The following CD226 variants were observed in gnomAD, a reference collection of about 807,000 sequenced individuals.
CD226 encodes CD226 molecule, also known as CD226 antigen.
In CD226, 24 loss-of-function variants were observed where a neutral mutation model predicts 34.9. That is an observed-to-expected ratio of 0.69 (90% CI 0.50 to 0.97). The LOEUF is 0.97. CD226 is among the 50% of genes least tolerant of loss of function. The pLI, the probability that CD226 is intolerant of heterozygous loss-of-function variation, is 0.00. For missense variants in CD226, 397 were observed against 412.7 expected, an observed-to-expected ratio of 0.96 and a Z score of 0.33; for synonymous variants, 148 against 147.4, an observed-to-expected ratio of 1.00 and a Z score of -0.03.
chr18:69,905,132 G>A (rs892549691), intron 2 of CD226, among the ~76,000 whole-genome samples: 11 of 152,100 alleles, frequency 7.2e-5, no homozygotes, highest in South Asian at 2.1e-4. Context: ...TAGGCAGGGC[G>A]TCTAGGGAGC....
chr18:69,890,228 T>C (rs534914742), intron 3 of CD226, among the ~76,000 whole-genome samples: 1 of 152,340 alleles, frequency 6.6e-6, no homozygotes, highest in South Asian at 2.1e-4. Flanking sequence ...TCTGAAAAGA[T>C]GCTTTGACAA....
In CD226 at chr18:69,947,430, G is replaced by C; in HGVS notation, c.-24C>G. 3 of 1,505,850 alleles carry C rather than the reference G, an allele frequency of 2.0e-6. No individual in the cohort carries two copies. The highest frequency in any genetic ancestry group is 2.7e-6 in the Non-Finnish European group (3 of 1,124,772). The allele number at this position is 1,505,850 out of a possible 1,614,324, so 93.3% of individuals were successfully genotyped here. A position where few individuals can be genotyped will look rare whatever the true frequency, so the allele number is the denominator to read the frequency against. ...ATCTCTGGAAACTGTTTGAAAGGCTGGTTCTATTAAAAAAAAAAATTGCTT... is the reference window on the plus strand; with the variant it reads ...ATCTCTGGAAACTGTTTGAAAGGCTCGTTCTATTAAAAAAAAAAATTGCTT... On this transcript the variant is annotated 5_prime_UTR_variant, in exon 1 of 6. Coordinates refer to ENST00000582621, the MANE Select transcript of CD226 (RefSeq NM_001303618.2).
chr18:69,900,452 G>A (rs879316632), intron 2 of CD226, among the ~76,000 whole-genome samples: 1 of 152,066 alleles, frequency 6.6e-6, no homozygotes, highest in Admixed American at 6.6e-5. Context: ...AATTTTTCTG[G>A]CCGGGCGCGG....
At chr18:69,877,254 T>G (rs552704239) in intron 3 of CD226, among the ~76,000 whole-genome samples, 1 of 152,154 alleles carries the variant, frequency 6.6e-6, no homozygotes, top group Non-Finnish European at 1.5e-5. Flanking sequence ...GAGCCAGTTA[T>G]AGAGCTCAAG....
chr18:69,933,158 T>G (rs932095507), intron 2 of CD226, among the ~76,000 whole-genome samples: 1 of 152,132 alleles, frequency 6.6e-6, no homozygotes, highest in African/African-American at 2.4e-5. Context: ...GTGCCTCCTA[T>G]CTTTCTGCCT....
chr18:69,881,596 A>C (rs1409555298), intron 3 of CD226, among the ~76,000 whole-genome samples: 1 of 152,274 alleles, frequency 6.6e-6, no homozygotes, highest in Admixed American at 6.5e-5. Context: ...GTTATTAATC[A>C]TGCATATTTA....
intron 2 of CD226, 199 bp from the exon 3 acceptor site, chr18:69,896,244 T>C (rs1985288938): frequency 9.6e-6 from 7 of 726,762 alleles, no homozygotes; most frequent in Non-Finnish European, 1.2e-5. Context: ...TGCAGTGGTG[T>C]GATCTCGGCT....
At chr18:69,947,222 A>G in intron 1 of CD226, 139 bp downstream of exon 1, 1 of 923,696 alleles carries the variant, frequency 1.1e-6, no homozygotes, top group Non-Finnish European at 1.7e-6. Flanking sequence ...ATAATTGGAA[A>G]ATGTAACTTT....
intron 2 of CD226, among the ~76,000 whole-genome samples, chr18:69,919,321 T>G (rs1381141583): frequency 6.6e-6 from 1 of 152,192 alleles, no homozygotes; most frequent in African/African-American, 2.4e-5. Context: ...CCAGAAACGC[T>G]GTCAGGGAGC....
chr18:69,869,074 G>T (rs114479806), intron 4 of CD226, among the ~76,000 whole-genome samples: 77 of 152,306 alleles, frequency 5.1e-4, no homozygotes, highest in African/African-American at 1.8e-3. Context: ...AATTAGTTCA[G>T]GCATTGTGGA....
At chr18:69,887,187 T>C (rs894116685) in intron 3 of CD226, among the ~76,000 whole-genome samples, 2 of 152,216 alleles carry the variant, frequency 1.3e-5, no homozygotes, top group African/African-American at 4.8e-5. Context: ...TGTGTGCATA[T>C]GGTAAGTGTG....
rs910041203 is a variant in CD226, at chr18:69,946,256, AAG to A, written c.382+476_382+477del. ...GGAAAGAAAGGAAAGAAAAGAAAGA[AAG>A]AGAGAGAGAGAAAGAAAGAAAGAGA... On this transcript the variant is annotated intron_variant, in intron 2 of 5. Coordinates refer to ENST00000582621, the MANE Select transcript of CD226 (RefSeq NM_001303618.2). Among the ~76,000 whole-genome samples, 9 of 150,474 alleles carry A rather than the reference AAG, an allele frequency of 6.0e-5. No individual in the cohort carries two copies. In the South Asian group the frequency reaches 1.1e-3, roughly 18 times the overall value.
intron 2 of CD226, among the ~76,000 whole-genome samples, chr18:69,932,729 G>C (rs1309781056): frequency 6.6e-6 from 1 of 152,108 alleles, no homozygotes; most frequent in Non-Finnish European, 1.5e-5. Context: ...CGTGTCTTCT[G>C]ATCTCTGAAG....
At chr18:69,895,084 T>A (rs1022652776) in intron 3 of CD226, among the ~76,000 whole-genome samples, 20 of 152,170 alleles carry the variant, frequency 1.3e-4, no homozygotes, top group Non-Finnish European at 1.0e-4. Flanking sequence ...ATAGTATGTT[T>A]GGGGGTCCCT....
intron 2 of CD226, among the ~76,000 whole-genome samples, chr18:69,910,991 G>A (rs913598603): frequency 3.3e-5 from 5 of 152,166 alleles, no homozygotes; most frequent in Admixed American, 2.0e-4. Context: ...TTAGGAAAGA[G>A]GAATAATAAT....
At position 69,864,112 on chromosome 18, in the gene CD226, T is replaced by C; in HGVS notation, c.*202A>G. ...ATATGATACAGTAAGTTTTCTTTTGTATATAAACCAGTTAGAGTCAGGTTT... is the reference window on the plus strand; with the variant it reads ...ATATGATACAGTAAGTTTTCTTTTGCATATAAACCAGTTAGAGTCAGGTTT... On this transcript the variant is annotated 3_prime_UTR_variant, in exon 6 of 6. Coordinates refer to ENST00000582621, the MANE Select transcript of CD226 (RefSeq NM_001303618.2). 3.7e-6 allele frequency: 2 copies of C among 539,924 alleles called. No homozygotes were observed. The allele number at this position is 539,924 out of a possible 1,614,324, so 33.4% of individuals were successfully genotyped here.
rs540565381 is a variant in CD226, at chr18:69,859,465, T to C, written c.*4849A>G. ...AAGAAATAAATGCCAAATATTGATA[T>C]AATCATATTTTAATACAAATATTTC... On this transcript the variant is annotated 3_prime_UTR_variant, in exon 6 of 6. Coordinates refer to ENST00000582621, the MANE Select transcript of CD226 (RefSeq NM_001303618.2). 7 of 152,250 alleles carry C rather than the reference T, an allele frequency of 4.6e-5. No homozygotes were observed. The East Asian group carries it at 1.4e-3, about 29-fold the overall frequency. The allele number at this position is 152,250 out of a possible 1,614,324, so 9.4% of individuals were successfully genotyped here. A position where few individuals can be genotyped will look rare whatever the true frequency, so the allele number is the denominator to read the frequency against.
chr18:69,948,220 G>C (rs1414227181), upstream of CD226, among the ~76,000 whole-genome samples: 2 of 152,052 alleles, frequency 1.3e-5, no homozygotes, highest in African/African-American at 4.8e-5. Context: ...CATTTTTCAG[G>C]TTCATCATTG....
intron 3 of CD226, among the ~76,000 whole-genome samples, chr18:69,894,245 C>A (rs1305028925): frequency 1.4e-5 from 2 of 147,256 alleles, no homozygotes; most frequent in Non-Finnish European, 3.0e-5. Flanking sequence ...CTTTTTCTCA[C>A]AATCATACAA....
Sources: gnomAD v4.1 joint callset for allele counts (sites outside exome capture counted in the v4.1 genomes callset) on GRCh38, gnomAD v4.1.1 for gene constraint, MANE v1.5 for transcripts, NCBI Gene and HGNC (gene_info 2026-07-23, HGNC 2026-07-21) for gene names.